The following STK33 variants were observed in gnomAD, a reference collection of about 807,000 sequenced individuals.
STK33 encodes the protein serine/threonine-protein kinase 33.
STK33 carries 52 observed loss-of-function variants against 58.0 expected under a neutral mutation model. The observed-to-expected ratio is 0.90, with a 90% CI of 0.72 to 1.13. The LOEUF (loss-of-function observed/expected upper bound fraction) is 1.13, where lower values mean the gene tolerates loss of function less well. Ranked by LOEUF, STK33 falls within the 50% of genes most tolerant of loss-of-function variation. The pLI is 0.00. For synonymous variants in STK33, 215 were observed against 200.1 expected, an observed-to-expected ratio of 1.07 and a Z score of -0.63; for missense variants, 630 against 604.2, an observed-to-expected ratio of 1.04 and a Z score of -0.45.
intron 1 of STK33, among the ~76,000 whole-genome samples, chr11:8,517,824 G>T (rs945567978): frequency 6.6e-6 from 1 of 152,188 alleles, no homozygotes; most frequent in Non-Finnish European, 1.5e-5. Context: ...AAGCCTCCAA[G>T]AAATATGGGA....
chr11:8,570,090 G>T (rs936842575), intron 1 of STK33, among the ~76,000 whole-genome samples: 3 of 151,940 alleles, frequency 2.0e-5, no homozygotes, highest in Non-Finnish European at 2.9e-5. Context: ...AAGACAACCT[G>T]TTTTCAAAAA....
intron 9 of STK33, among the ~76,000 whole-genome samples, chr11:8,456,128 G>T (rs539794024): frequency 2.5e-4 from 38 of 152,228 alleles, no homozygotes; most frequent in African/African-American, 8.7e-4. Context: ...CATGAAAAAT[G>T]TTGCTAAGAT....
intron 14 of STK33, among the ~76,000 whole-genome samples, chr11:8,432,698 G>A (rs533142678): frequency 4.5e-4 from 68 of 152,308 alleles, no homozygotes; most frequent in African/African-American, 1.6e-3. Flanking sequence ...GCAGCAGGGC[G>A]CTGAGAGAAC....
chr11:8,487,824 A>T (rs1950295967), intron 1 of STK33, among the ~76,000 whole-genome samples: 1 of 152,200 alleles, frequency 6.6e-6, no homozygotes. Context: ...TGGCAAAAAA[A>T]ATCAGAATAA....
At chr11:8,527,894 T>C (rs1457381251) in intron 1 of STK33, among the ~76,000 whole-genome samples, 1 of 152,228 alleles carries the variant, frequency 6.6e-6, no homozygotes, top group African/African-American at 2.4e-5. Flanking sequence ...AAAAGGCAAC[T>C]ATAGATTATC....
At chr11:8,462,442 T>TACAC (rs10635095) in intron 7 of STK33, among the ~76,000 whole-genome samples, 3,091 of 128,276 alleles carry the variant, frequency 0.024, 62 homozygotes, top group African/African-American at 0.057. Flanking sequence ...TATACATATA[T>TACAC]ACACACACAC....
At chr11:8,423,089 G>T (rs1275783107) in intron 14 of STK33, among the ~76,000 whole-genome samples, 3 of 151,330 alleles carry the variant, frequency 2.0e-5, no homozygotes, top group Admixed American at 1.3e-4. Context: ...CAATCCACCC[G>T]CCTTGGCCTC....
chr11:8,560,939 ACT>A (rs1444349981), intron 1 of STK33, among the ~76,000 whole-genome samples: 1 of 151,868 alleles, frequency 6.6e-6, no homozygotes, highest in Non-Finnish European at 1.5e-5. Flanking sequence ...TTATCTACTG[ACT>A]CTCTCTCCAC....
At chr11:8,345,588 C>A in the STK33 span, among the ~76,000 whole-genome samples, 1 of 152,200 alleles carries the variant, frequency 6.6e-6, no homozygotes, top group Non-Finnish European at 1.5e-5. Flanking sequence ...AGTAGGGGAA[C>A]GTGGCTCCTC....
At chr11:8,433,326 A>G (rs1457354993) in intron 14 of STK33, among the ~76,000 whole-genome samples, 2 of 152,212 alleles carry the variant, frequency 1.3e-5, no homozygotes, top group Non-Finnish European at 1.5e-5. Context: ...AAGGAGAGTG[A>G]TATCACTATA....
the STK33 span, among the ~76,000 whole-genome samples, chr11:8,351,418 T>C: frequency 9.9e-5 from 15 of 152,278 alleles, no homozygotes; most frequent in African/African-American, 3.4e-4. Context: ...CCGGTGGCCA[T>C]CAGCCTCTGC....
intron 1 of STK33, among the ~76,000 whole-genome samples, chr11:8,547,792 T>A (rs1173339409): frequency 6.6e-6 from 1 of 152,134 alleles, no homozygotes; most frequent in Admixed American, 6.6e-5. Flanking sequence ...AAAAAATCTT[T>A]GCCCAGACCC....
chr11:8,480,112 G>A (rs1395045182), intron 2 of STK33, among the ~76,000 whole-genome samples: 4 of 152,166 alleles, frequency 2.6e-5, no homozygotes, highest in Non-Finnish European at 2.9e-5. Flanking sequence ...AGGCATATGG[G>A]ATTAGACTTC....
Position 8,436,126 on chromosome 11 carries a change from G to C in STK33, c.961C>G (p.Pro321Ala), listed in dbSNP as rs1166402086. The part of the protein sequence containing the change: ...VVMYMLLRGE[P>A]PFLASSEEKL... ...TCTTCTGAGCTTGCCAAAAAGGGTG[G>C]TTCTCCACGTAATCTGCAACAAAGG... Residue 321 changes from proline to alanine, a missense_variant, in exon 13 of 16, where the codon CCA becomes GCA. Coordinates refer to ENST00000687296, the MANE Select transcript of STK33 (RefSeq NM_001352389.2). The C allele has an allele frequency of 6.4e-7, 1 of 1,569,432 alleles. No individual in the cohort carries two copies. The highest frequency in any genetic ancestry group is 2.3e-5 in the East Asian group (1 of 44,132).
chr11:8,494,063 T>C (rs148091350), intron 1 of STK33, among the ~76,000 whole-genome samples: 8,092 of 152,190 alleles, frequency 0.053, 289 homozygotes, highest in Non-Finnish European at 0.071. Context: ...TCTCTCACCA[T>C]TCCTATTCAA....
intron 1 of STK33, among the ~76,000 whole-genome samples, chr11:8,558,789 C>A (rs1198796773): frequency 6.6e-6 from 1 of 152,186 alleles, no homozygotes; most frequent in East Asian, 1.9e-4. Flanking sequence ...ATAACACAAA[C>A]ATGAAATTCA....
At chr11:8,482,836 T>C (rs1294314307) in intron 1 of STK33, among the ~76,000 whole-genome samples, 2 of 151,970 alleles carry the variant, frequency 1.3e-5, no homozygotes, top group Admixed American at 1.3e-4. Context: ...TTCACGCCAT[T>C]CTCCTGCCTC....
the STK33 span, among the ~76,000 whole-genome samples, chr11:8,354,693 T>C: frequency 6.6e-6 from 1 of 152,158 alleles, no homozygotes; most frequent in African/African-American, 2.4e-5. Context: ...TCTGTTCAGA[T>C]GGTTTCAAAC....
chr11:8,404,208 G>T (rs1938665517), intron 15 of STK33, among the ~76,000 whole-genome samples: 6 of 152,120 alleles, frequency 3.9e-5, no homozygotes, highest in Admixed American at 3.9e-4. Context: ...TAAAGATCTG[G>T]GTCTTGTGTG....
Sources: gnomAD v4.1 joint callset for allele counts (sites outside exome capture counted in the v4.1 genomes callset) on GRCh38, gnomAD v4.1.1 for gene constraint, MANE v1.5 for transcripts, NCBI Gene and HGNC (gene_info 2026-07-23, HGNC 2026-07-21) for gene names.